LOC400499: variants seen among roughly 807,000 people sequenced by gnomAD.
At chr16:11,494,942 C>T in the LOC400499 span, among the ~76,000 whole-genome samples, 1 of 152,194 alleles carries the variant, frequency 6.6e-6, no homozygotes, top group African/African-American at 2.4e-5. Context: ...GACACGGTGG[C>T]TCATGCCTGT....
chr16:11,407,717 A>T, the LOC400499 span, among the ~76,000 whole-genome samples: 50,344 of 152,002 alleles, frequency 0.33, 8,643 homozygotes, highest in South Asian at 0.38. Context: ...ACAGAACTCC[A>T]AGTGTGGATC....
chr16:11,491,000 C>T, the LOC400499 span, among the ~76,000 whole-genome samples: 1 of 152,234 alleles, frequency 6.6e-6, no homozygotes, highest in Non-Finnish European at 1.5e-5. Flanking sequence ...AACAGTCACA[C>T]ATATGGCACT....
the LOC400499 span, chr16:11,514,295 C>A: frequency 2.5e-6 from 1 of 399,000 alleles, no homozygotes; most frequent in Non-Finnish European, 4.4e-6. Flanking sequence ...CCTGCTTGGG[C>A]CCCTCTGGCC....
At chr16:11,459,711 G>A in the LOC400499 span, among the ~76,000 whole-genome samples, 1 of 152,248 alleles carries the variant, frequency 6.6e-6, no homozygotes, top group Non-Finnish European at 1.5e-5. Flanking sequence ...ACTCTGACAA[G>A]TGTTTCTCAC....
chr16:11,466,250 G>C, the LOC400499 span, among the ~76,000 whole-genome samples: 2 of 152,204 alleles, frequency 1.3e-5, no homozygotes, highest in African/African-American at 2.4e-5. Context: ...GAGAGGTTTT[G>C]AGTCTATACC....
chr16:11,475,962 G>A, the LOC400499 span, among the ~76,000 whole-genome samples: 1 of 151,742 alleles, frequency 6.6e-6, no homozygotes, highest in East Asian at 2.0e-4. Context: ...GCTGTCTCGG[G>A]GATAGAGCAG....
At chr16:11,421,520 G>A in the LOC400499 span, among the ~76,000 whole-genome samples, 9 of 152,044 alleles carry the variant, frequency 5.9e-5, no homozygotes, top group South Asian at 4.2e-4. Context: ...TCCTGCCTCC[G>A]CCTCCCAAGT....
the LOC400499 span, among the ~76,000 whole-genome samples, chr16:11,486,090 GGACGGATA>G: frequency 6.7e-6 from 1 of 149,142 alleles, no homozygotes. Flanking sequence ...ATGGATGGAT[GGACGGATA>G]GATGGATGAA....
chr16:11,410,380 G>A, the LOC400499 span, among the ~76,000 whole-genome samples: 3 of 152,202 alleles, frequency 2.0e-5, no homozygotes, highest in Non-Finnish European at 2.9e-5. Flanking sequence ...CTTGAACCGG[G>A]GAGGCGGAGG....
the LOC400499 span, chr16:11,411,296 G>A: frequency 2.5e-6 from 1 of 399,460 alleles, no homozygotes; most frequent in Non-Finnish European, 4.4e-6. Flanking sequence ...AGGAAGGGGA[G>A]GCGATGCCGG....
chr16:11,378,195 C>T, the LOC400499 span, among the ~76,000 whole-genome samples: 1 of 150,214 alleles, frequency 6.7e-6, no homozygotes, highest in African/African-American at 2.5e-5. Flanking sequence ...CCTCGGCCTT[C>T]CAAGTAGCTA....
At chr16:11,473,356 G>A in the LOC400499 span, among the ~76,000 whole-genome samples, 50,669 of 147,908 alleles carry the variant, frequency 0.34, 9,226 homozygotes, top group African/African-American at 0.47. Context: ...AAAAAAAAAA[G>A]AAAAAAAAAT....
At chr16:11,432,468 G>T in the LOC400499 span, among the ~76,000 whole-genome samples, 1 of 152,210 alleles carries the variant, frequency 6.6e-6, no homozygotes, top group African/African-American at 2.4e-5. Context: ...AACAGGTAGA[G>T]AGAGAGTAAT....
the LOC400499 span, among the ~76,000 whole-genome samples, chr16:11,401,685 C>T: frequency 1.3e-5 from 2 of 152,216 alleles, no homozygotes; most frequent in Admixed American, 6.5e-5. Flanking sequence ...TCTGTGGCCC[C>T]GGGCAGGTCA....
At chr16:11,452,213 T>C in the LOC400499 span, among the ~76,000 whole-genome samples, 1 of 151,604 alleles carries the variant, frequency 6.6e-6, no homozygotes, top group Non-Finnish European at 1.5e-5. Flanking sequence ...TTGTTTTTTT[T>C]TTTTTTTTGC....
chr16:11,381,537 C>A, the LOC400499 span, among the ~76,000 whole-genome samples: 1 of 152,176 alleles, frequency 6.6e-6, no homozygotes, highest in African/African-American at 2.4e-5. Flanking sequence ...GTCTTTCAGA[C>A]AGCAAAAATA....
the LOC400499 span, among the ~76,000 whole-genome samples, chr16:11,413,916 C>T: frequency 6.6e-6 from 1 of 152,202 alleles, no homozygotes; most frequent in Non-Finnish European, 1.5e-5. Context: ...AGCAGCAGAG[C>T]TGGGATCTGA....
the LOC400499 span, among the ~76,000 whole-genome samples, chr16:11,410,900 C>T: frequency 2.0e-5 from 3 of 152,224 alleles, no homozygotes; most frequent in African/African-American, 7.2e-5. Context: ...ATGGGGGTGA[C>T]GCTGGCTCAG....
At chr16:11,417,549 G>T in the LOC400499 span, 1 of 398,250 alleles carries the variant, frequency 2.5e-6, no homozygotes, top group South Asian at 1.4e-4. Flanking sequence ...GTGCCACCTG[G>T]GTCCAGGCCT....
Sources: allele counts gnomAD v4.1 joint callset (sites outside exome capture counted in the v4.1 genomes callset), GRCh38; gene constraint gnomAD v4.1.1; transcripts MANE v1.5.